The following CERK variants were observed in gnomAD, a reference collection of about 807,000 sequenced individuals.
CERK encodes the protein ceramide kinase.
In CERK, 39 loss-of-function variants were observed where a neutral mutation model predicts 63.4. The ratio of observed to expected loss-of-function variants is 0.61; its 90% confidence interval spans 0.48 to 0.80. The LOEUF is 0.80. CERK is among the 30% of genes least tolerant of loss of function. The pLI, the probability that CERK is intolerant of heterozygous loss-of-function variation, is 0.00. For missense variants in CERK, 670 were observed against 714.1 expected, an observed-to-expected ratio of 0.94 and a Z score of 0.70; for synonymous variants, 302 against 280.0, an observed-to-expected ratio of 1.08 and a Z score of -0.78.
At chr22:46,701,746 G>C (rs973938051) in intron 6 of CERK, 36 bp from the exon 7 acceptor site, 1 of 1,494,606 alleles carries the variant, frequency 6.7e-7, no homozygotes, top group African/African-American at 1.4e-5. Flanking sequence ...AATAGCATCA[G>C]AATAACAGAA....
intron 12 of CERK, among the ~76,000 whole-genome samples, chr22:46,687,453 T>G (rs779745040): frequency 2.0e-5 from 3 of 152,084 alleles, no homozygotes; most frequent in Non-Finnish European, 4.4e-5. Flanking sequence ...TCACTTAGAC[T>G]CCCGGGATGC....
chr22:46,731,421 G>A (rs1336782598), intron 1 of CERK, among the ~76,000 whole-genome samples: 1 of 152,202 alleles, frequency 6.6e-6, no homozygotes, highest in African/African-American at 2.4e-5. Flanking sequence ...ATGACAAGCA[G>A]CCCCTGACTC....
At chr22:46,720,377 C>T (rs6008965) in intron 2 of CERK, among the ~76,000 whole-genome samples, 169 bp from the exon 3 acceptor site, 18,608 of 152,156 alleles carry the variant, frequency 0.12, 1,416 homozygotes, top group African/African-American at 0.21. Flanking sequence ...AAAAAACATC[C>T]GATCTTTCAA....
Position 46,708,971 on chromosome 22 carries a change from C to T in CERK, c.570-983G>A, listed in dbSNP as rs374331869. On this transcript the variant is annotated intron_variant, in intron 5 of 12. Transcript: ENST00000216264. Reference sequence around the variant, plus strand: ...CCCAGTGGGTCTGTCTGTGCAGGCGCGACCAGTCTCCAGGGCTGGGATCTC... The same window carrying T: ...CCCAGTGGGTCTGTCTGTGCAGGCGTGACCAGTCTCCAGGGCTGGGATCTC... Among the ~76,000 whole-genome samples, 34 of 152,290 alleles carry T rather than the reference C, an allele frequency of 2.2e-4. No homozygotes were observed. The South Asian group carries it at 2.5e-3, about 11-fold the overall frequency.
chr22:46,721,000 G>C lies in CERK; in HGVS notation c.158C>G (p.Pro53Arg). Residue 53 changes from proline (P) to arginine (R), a missense_variant, in exon 2 of 13, where the codon CCT becomes CGT. Transcript: ENST00000216264. ...CTCAACGGCGATGATCTCAGATACA[G>C]GCACAGAGCAGGCATCTGTAAAAAC... ...GAPGADACSV[P>R]VSEIIAVEET... 1.2e-6 allele frequency: 2 copies of C among 1,612,124 alleles called. No homozygotes were observed. The highest frequency in any genetic ancestry group is 1.1e-5 in the South Asian group (1 of 91,050).
intron 1 of CERK, among the ~76,000 whole-genome samples, chr22:46,736,807 C>G (rs564359591): frequency 1.3e-5 from 2 of 152,284 alleles, no homozygotes; most frequent in Non-Finnish European, 2.9e-5. Context: ...AGAACCCAAC[C>G]CACAGATCCT....
intron 12 of CERK, among the ~76,000 whole-genome samples, chr22:46,689,032 A>G (rs1013818561): frequency 1.3e-5 from 2 of 152,222 alleles, no homozygotes; most frequent in Non-Finnish European, 2.9e-5. Context: ...TTCCAAATAC[A>G]ATGGGCCCCA....
intron 8 of CERK, among the ~76,000 whole-genome samples, chr22:46,696,442 G>A (rs185976637): frequency 7.3e-4 from 111 of 152,262 alleles, no homozygotes; most frequent in Non-Finnish European, 1.2e-3. Context: ...CTTCCAAGCC[G>A]GCTCCTCTCT....
intron 6 of CERK, among the ~76,000 whole-genome samples, chr22:46,706,836 T>G (rs946019517): frequency 6.6e-6 from 1 of 152,174 alleles, no homozygotes; most frequent in African/African-American, 2.4e-5. Flanking sequence ...TGGGGAACAT[T>G]TGCCTCACAC....
At chr22:46,731,739 G>A (rs112035025) in intron 1 of CERK, among the ~76,000 whole-genome samples, 2 of 152,324 alleles carry the variant, frequency 1.3e-5, no homozygotes, top group African/African-American at 4.8e-5. Flanking sequence ...AGCAGGTGGG[G>A]GCAGGGCCAG....
chr22:46,722,532 G>A (rs1466695966), intron 1 of CERK, among the ~76,000 whole-genome samples: 2 of 151,786 alleles, frequency 1.3e-5, no homozygotes, highest in South Asian at 2.1e-4. Context: ...CCACCCTCCG[G>A]TGTGCCCCAC....
intron 1 of CERK, chr22:46,735,074 C>G (rs1057005586): frequency 8.4e-6 from 1 of 118,940 alleles, no homozygotes; most frequent in Non-Finnish European, 2.0e-5. Flanking sequence ...CCCTCACCCC[C>G]CAACACACAC....
In CERK at chr22:46,686,973, G is replaced by A; in HGVS notation, c.*161C>T. 1 of 673,852 alleles carries A rather than the reference G, an allele frequency of 1.5e-6. No individual in the cohort carries two copies. Among genetic ancestry groups the A allele is most frequent in the Non-Finnish European group, 2.5e-6 (1 of 405,052 alleles). The allele number at this position is 673,852 out of a possible 1,614,324, so 41.7% of individuals were successfully genotyped here. ...GTACAGAACTGAAAATGCCAAATAT[G>A]TACACAAAATTGTTGACAAAAGGGT... On this transcript the variant is annotated 3_prime_UTR_variant, in exon 13 of 13. Coordinates refer to ENST00000216264, the MANE Select transcript of CERK (RefSeq NM_022766.6).
chr22:46,690,870 G>A (rs902297835), intron 11 of CERK, among the ~76,000 whole-genome samples: 1 of 152,176 alleles, frequency 6.6e-6, no homozygotes, highest in South Asian at 2.1e-4. Context: ...TAAATAGGAA[G>A]AGAAACAACG....
Position 46,714,266 on chromosome 22 carries a change from A to G in CERK, c.380-1973T>C, listed in dbSNP as rs369150728. On this transcript the variant is annotated intron_variant, in intron 3 of 12. Transcript: ENST00000216264. The surrounding 1 kb of genome is among the most constrained non-coding windows in gnomAD (Gnocchi z 4.4). ...AGCCTGGGTGACAGAGTAAGACTCC[A>G]TGTCAAAATAAACAAACAAACAAAC... 3.9e-5 allele frequency among the ~76,000 whole-genome samples: 6 copies of G among 152,276 alleles called. No individual in the cohort carries two copies. In the South Asian group the frequency reaches 1.0e-3, roughly 26 times the overall value.
chr22:46,708,559 T>C (rs2082825211), intron 5 of CERK, among the ~76,000 whole-genome samples: 1 of 152,114 alleles, frequency 6.6e-6, no homozygotes, highest in African/African-American at 2.4e-5. Flanking sequence ...GGGGACGGAA[T>C]AAATGCGGAC....
chr22:46,691,890 C>A, intron 10 of CERK, 113 bp from the exon 11 acceptor site: 14 of 683,932 alleles, frequency 2.0e-5, no homozygotes, highest in Non-Finnish European at 3.2e-5. Flanking sequence ...ATTTAGCAGA[C>A]ACTTCATGCA....
chr22:46,688,902 C>G (rs1055447414), intron 12 of CERK, among the ~76,000 whole-genome samples: 1 of 152,282 alleles, frequency 6.6e-6, no homozygotes, highest in East Asian at 1.9e-4. Context: ...GTAATTTGCA[C>G]GCCCACACCT....
intron 12 of CERK, among the ~76,000 whole-genome samples, chr22:46,687,745 T>C (rs766377777): frequency 6.6e-6 from 1 of 151,838 alleles, no homozygotes; most frequent in Non-Finnish European, 1.5e-5. Flanking sequence ...AGGAACAAGT[T>C]GGGGGTCCCT....
Sources: gnomAD v4.1 joint callset for allele counts (sites outside exome capture counted in the v4.1 genomes callset) on GRCh38, gnomAD v4.1.1 for gene constraint, Gnocchi (gnomAD v3.1) non-coding constraint, MANE v1.5 for transcripts, NCBI Gene and HGNC (gene_info 2026-07-23, HGNC 2026-07-21) for gene names.